DPH6: variants seen among roughly 807,000 people sequenced by gnomAD.
DPH6 encodes diphthamine biosynthesis 6.
In DPH6, 33 loss-of-function variants were observed where a neutral mutation model predicts 38.2. The ratio of observed to expected loss-of-function variants is 0.86; its 90% CI spans 0.65 to 1.15. The LOEUF is 1.15. DPH6 is among the 50% of genes most tolerant of loss of function. The probability of loss-of-function intolerance (pLI) is 0.00; values close to 1 mark genes in which losing one functional copy is unlikely to be tolerated. For missense variants in DPH6, 325 were observed against 320.0 expected (o/e 1.02, Z -0.12); for synonymous variants, 108 against 103.0 (o/e 1.05, Z -0.30).
intron 3 of DPH6, among the ~76,000 whole-genome samples, chr15:35,272,741 C>A (rs2051830490): frequency 6.6e-6 from 1 of 151,970 alleles, no homozygotes; most frequent in Non-Finnish European, 1.5e-5. Context: ...AAACCCATCT[C>A]TACCAAAAAT....
chr15:35,342,701 A>G (rs924826394), intron 3 of DPH6, among the ~76,000 whole-genome samples: 3 of 152,192 alleles, frequency 2.0e-5, no homozygotes, highest in Admixed American at 2.0e-4. Flanking sequence ...GGTTTTCATA[A>G]TAAGAAGATT....
At chr15:35,354,185 C>G (rs565861613) in intron 3 of DPH6, among the ~76,000 whole-genome samples, 3 of 152,220 alleles carry the variant, frequency 2.0e-5, no homozygotes, top group South Asian at 2.1e-4. Flanking sequence ...TTTGGGCTGA[C>G]ACGATGGGGC....
chr15:35,160,528 A>T, the DPH6 span, among the ~76,000 whole-genome samples: 1 of 151,888 alleles, frequency 6.6e-6, no homozygotes, highest in Non-Finnish European at 1.5e-5. Context: ...TTGGTGTACA[A>T]ATGATTTTGT....
At chr15:35,542,815 T>C (rs980153696) in intron 1 of DPH6, among the ~76,000 whole-genome samples, 2 of 147,964 alleles carry the variant, frequency 1.4e-5, no homozygotes, top group African/African-American at 4.9e-5. Context: ...ATGATTTCAA[T>C]TTACATCCCA....
At chr15:35,476,071 T>C (rs73380789) in intron 3 of DPH6, among the ~76,000 whole-genome samples, 16,151 of 151,294 alleles carry the variant, frequency 0.11, 1,315 homozygotes, top group African/African-American at 0.24. Context: ...TTTATAAAAA[T>C]TTTAAAAAAT....
At position 35,542,416 on chromosome 15, in the gene DPH6, G is replaced by C; in HGVS notation, c.115C>G (p.Gln39Glu). ...CCCAATAAAGGCATGTACTTACCTTGGTTTTCAGCTGGTCTTAGATTTGCT... is the reference window on the plus strand; with the variant it reads ...CCCAATAAAGGCATGTACTTACCTTCGTTTTCAGCTGGTCTTAGATTTGCT... ...ALANLRPAEN[Q>E]VGSDELDSYM... The change falls in exon 2 of 9, where the codon CAA becomes GAA. Residue 39 changes from glutamine (Q) to glutamate (E), a missense_variant. Physicochemically the swap from Gln to Glu is conservative, Grantham distance 29. Transcript: ENST00000256538. The C allele has an allele frequency of 1.9e-6, 3 of 1,564,324 alleles. No individual in the cohort carries two copies. Among genetic ancestry groups the C allele is most frequent in the Non-Finnish European group, 1.8e-6 (2 of 1,142,236 alleles).
intron 3 of DPH6, among the ~76,000 whole-genome samples, chr15:35,487,199 T>C (rs1023058250): frequency 6.6e-6 from 1 of 152,188 alleles, no homozygotes; most frequent in African/African-American, 2.4e-5. Flanking sequence ...CCAGGGGATC[T>C]ACCATTCTGG....
intron 3 of DPH6, among the ~76,000 whole-genome samples, chr15:35,269,940 G>A (rs1380088425): frequency 1.3e-5 from 2 of 151,336 alleles, no homozygotes; most frequent in East Asian, 2.0e-4. Context: ...ACAGGCACCT[G>A]CCACCACGCC....
rs1237069622 is a variant in DPH6 at position 35,489,634 on chromosome 15, T to G, written c.313-34814A>C. On this transcript the variant is annotated intron_variant, in intron 3 of 8. Coordinates refer to ENST00000256538, the MANE Select transcript of DPH6 (RefSeq NM_080650.4). ...ATTTAGAAAGTTCTCTGCAACATAATGTTAAGTAAAAAAATACCCTAAGGC... is the reference window on the plus strand; with the variant it reads ...ATTTAGAAAGTTCTCTGCAACATAAGGTTAAGTAAAAAAATACCCTAAGGC... 4 of 981,672 alleles carry G rather than the reference T, an allele frequency of 4.1e-6. No individual in the cohort carries two copies. The African/African-American group carries it at 5.3e-5, about 13-fold the overall frequency. 60.8% of individuals were successfully genotyped at this position (981,672 alleles called of 1,614,324 possible). A position where few individuals can be genotyped will look rare whatever the true frequency, so the allele number is the denominator to read the frequency against.
chr15:35,168,319 A>T, the DPH6 span, among the ~76,000 whole-genome samples: 1 of 152,054 alleles, frequency 6.6e-6, no homozygotes, highest in Non-Finnish European at 1.5e-5. Flanking sequence ...CCTTGAAAAG[A>T]GAAGAGAATA....
chr15:35,227,154 A>C (rs1327390080), intron 3 of DPH6, among the ~76,000 whole-genome samples: 1 of 150,354 alleles, frequency 6.7e-6, no homozygotes, highest in Non-Finnish European at 1.5e-5. Context: ...CAATTTCTGC[A>C]ATATCAGTTA....
chr15:35,465,765 A>G (rs1030080413), intron 3 of DPH6, among the ~76,000 whole-genome samples: 3 of 152,192 alleles, frequency 2.0e-5, no homozygotes, highest in African/African-American at 7.2e-5. Context: ...TAGGTCACTA[A>G]TTTGTAGTAT....
the DPH6 span, among the ~76,000 whole-genome samples, chr15:35,198,348 T>C: frequency 6.6e-6 from 1 of 152,164 alleles, no homozygotes; most frequent in Non-Finnish European, 1.5e-5. Flanking sequence ...TCACATCATA[T>C]GGTTTGGTGC....
At chr15:35,185,724 CTTTTTT>C in the DPH6 span, among the ~76,000 whole-genome samples, 4 of 83,016 alleles carry the variant, frequency 4.8e-5, no homozygotes, top group African/African-American at 8.2e-5. Context: ...CCAATCCACT[CTTTTTT>C]TTTTTTTTTT....
chr15:35,247,424 C>G (rs182530050), intron 3 of DPH6, among the ~76,000 whole-genome samples: 2 of 152,260 alleles, frequency 1.3e-5, no homozygotes, highest in African/African-American at 4.8e-5. Context: ...TTTCATATGC[C>G]AACAGAGTGG....
rs71123123 is a variant in DPH6 at position 35,245,232 on chromosome 15, CTTTTTTTTTTT to C, written n.201-24661_201-24651del. The stretch of plus-strand genomic sequence containing the variant: ...AAATATTTCTGGGTCATTGTTCTTG[CTTTTTTTTTTT>C]TTTTTTTTTTTTTGAGATGGAGTCT... On this transcript the variant is annotated intron_variant and non_coding_transcript_variant, in intron 3 of 3. Coordinates refer to the DPH6 transcript ENST00000560386. 6.4e-4 allele frequency among the ~76,000 whole-genome samples: 52 copies of C among 81,386 alleles called. 1 individual carries two copies. The highest frequency in any genetic ancestry group is 1.3e-3 in the African/African-American group (28 of 22,274). The allele number at this position is 81,386 out of a possible 152,430, so 53.4% of individuals were successfully genotyped here. A position where few individuals can be genotyped will look rare whatever the true frequency, so the allele number is the denominator to read the frequency against.
chr15:35,354,382 G>A (rs1397379452), intron 3 of DPH6, among the ~76,000 whole-genome samples: 1 of 152,138 alleles, frequency 6.6e-6, no homozygotes, highest in East Asian at 1.9e-4. Context: ...AATGCTTCCA[G>A]TTTTTGCCCA....
At chr15:35,486,900 A>G (rs551118458) in intron 3 of DPH6, among the ~76,000 whole-genome samples, 1 of 152,334 alleles carries the variant, frequency 6.6e-6, no homozygotes, top group South Asian at 2.1e-4. Context: ...CAACGGGGGT[A>G]CAGGCATTGG....
intron 3 of DPH6, chr15:35,237,155 T>C: frequency 1.6e-6 from 1 of 606,412 alleles, no homozygotes; most frequent in Middle Eastern, 4.5e-4. Flanking sequence ...CCCAGTTTCC[T>C]TATTTAAAAA....
Sources: gnomAD v4.1 joint callset for allele counts (sites outside exome capture counted in the v4.1 genomes callset) on GRCh38, gnomAD v4.1.1 for gene constraint, MANE v1.5 for transcripts, NCBI Gene and HGNC (gene_info 2026-07-23, HGNC 2026-07-21) for gene names.